Variants in SGCG observed in about 807,000 individuals in gnomAD.
SGCG encodes sarcoglycan gamma.
SGCG carries 26 observed loss-of-function variants against 29.3 expected under a neutral mutation model. The ratio of observed to expected loss-of-function variants is 0.89; its 90% CI spans 0.65 to 1.23. The LOEUF (loss-of-function observed/expected upper bound fraction) is 1.23, where lower values mean the gene tolerates loss of function less well. Among genes scored for constraint, SGCG ranks in the 50% most tolerant of loss-of-function variants. The pLI is 0.00. For missense variants in SGCG, 353 were observed against 356.0 expected (o/e 0.99, Z 0.07); for synonymous variants, 145 against 129.7 (o/e 1.12, Z -0.80).
chr13:23,235,842 G>C (rs566172152), intron 3 of SGCG, among the ~76,000 whole-genome samples: 10 of 152,164 alleles, frequency 6.6e-5, no homozygotes, highest in Non-Finnish European at 1.3e-4. Context: ...AGGAGAATTA[G>C]AAAAGAAACA....
chr13:23,216,541 G>A (rs1878436709), intron 2 of SGCG, among the ~76,000 whole-genome samples: 1 of 152,034 alleles, frequency 6.6e-6, no homozygotes, highest in Non-Finnish European at 1.5e-5. Context: ...CTATTATTTT[G>A]TTAACAGAAT....
chr13:23,235,987 C>G (rs1225751278), intron 3 of SGCG, among the ~76,000 whole-genome samples: 1 of 152,144 alleles, frequency 6.6e-6, no homozygotes, highest in African/African-American at 2.4e-5. Flanking sequence ...AAAGAGAGAT[C>G]CCAGTAAGTG....
chr13:23,236,271 T>C (rs1255367298), intron 3 of SGCG, among the ~76,000 whole-genome samples: 1 of 152,042 alleles, frequency 6.6e-6, no homozygotes, highest in African/African-American at 2.4e-5. Flanking sequence ...TTCCCCAGAG[T>C]TGTGTTGGCT....
chr13:23,222,804 G>C (rs190560007), intron 2 of SGCG, among the ~76,000 whole-genome samples: 1 of 152,206 alleles, frequency 6.6e-6, no homozygotes, highest in African/African-American at 2.4e-5. Context: ...CTCCAGCCTG[G>C]GTGACAGAGC....
intron 3 of SGCG, among the ~76,000 whole-genome samples, chr13:23,236,794 T>C (rs759638780): frequency 6.6e-6 from 1 of 152,206 alleles, no homozygotes; most frequent in Non-Finnish European, 1.5e-5. Flanking sequence ...GATAATCACA[T>C]ATTAAAGTCT....
chr13:23,195,656 A>G (rs1010432743), intron 1 of SGCG, among the ~76,000 whole-genome samples: 1 of 151,458 alleles, frequency 6.6e-6, no homozygotes, highest in African/African-American at 2.4e-5. Flanking sequence ...AGAGAGAATG[A>G]TTTGATGATC....
intron 1 of SGCG, among the ~76,000 whole-genome samples, chr13:23,189,467 C>T (rs548134353): frequency 5.9e-5 from 9 of 152,262 alleles, no homozygotes; most frequent in East Asian, 1.9e-4. Flanking sequence ...TGAGCCACTG[C>T]GCCTGGCCTT....
At chr13:23,207,464 G>A (rs1878025463) in intron 2 of SGCG, among the ~76,000 whole-genome samples, 1 of 152,120 alleles carries the variant, frequency 6.6e-6, no homozygotes, top group South Asian at 2.1e-4. Flanking sequence ...ATAGACAAAT[G>A]GGACTACATT....
intron 3 of SGCG, among the ~76,000 whole-genome samples, chr13:23,241,163 AG>A (rs67045747): frequency 0.083 from 12,025 of 144,338 alleles, 847 homozygotes; most frequent in South Asian, 0.18. Flanking sequence ...AAAAAAAAAA[AG>A]AAGAAGAAGA....
intron 5 of SGCG, among the ~76,000 whole-genome samples, chr13:23,287,321 G>C (rs1181062076): frequency 1.3e-5 from 2 of 152,216 alleles, no homozygotes; most frequent in East Asian, 3.9e-4. Context: ...GTGACAAGAA[G>C]TGGTGGCCTC....
upstream of SGCG, among the ~76,000 whole-genome samples, chr13:23,177,440 A>T (rs1314055849): frequency 6.6e-6 from 1 of 152,128 alleles, no homozygotes; most frequent in Non-Finnish European, 1.5e-5. Context: ...ATAAAAAATT[A>T]TCCTGATTTG....
At chr13:23,322,693 G>A (rs539777563) in intron 7 of SGCG, among the ~76,000 whole-genome samples, 4 of 151,146 alleles carry the variant, frequency 2.6e-5, no homozygotes, top group African/African-American at 9.7e-5. Context: ...AAGGCACATG[G>A]GTTTCCAAGC....
intron 3 of SGCG, among the ~76,000 whole-genome samples, chr13:23,239,608 CT>C (rs1389329003): frequency 2.0e-5 from 3 of 152,146 alleles, no homozygotes; most frequent in Non-Finnish European, 2.9e-5. Flanking sequence ...TTAGAAGACA[CT>C]TTGCTCAAAG....
At chr13:23,310,539 GTT>G (rs1471971078) in intron 6 of SGCG, among the ~76,000 whole-genome samples, 1 of 151,954 alleles carries the variant, frequency 6.6e-6, no homozygotes, top group Non-Finnish European at 1.5e-5. Flanking sequence ...TGTTTCAGTT[GTT>G]TCTCTATGTT....
intron 4 of SGCG, among the ~76,000 whole-genome samples, chr13:23,262,226 T>C (rs1168208943): frequency 2.0e-5 from 3 of 151,946 alleles, no homozygotes; most frequent in Non-Finnish European, 4.4e-5. Context: ...CAAAATGGAT[T>C]AAAAAATCAC....
At chr13:23,236,911 T>C (rs143904508) in intron 3 of SGCG, among the ~76,000 whole-genome samples, 1 of 152,252 alleles carries the variant, frequency 6.6e-6, no homozygotes, top group Non-Finnish European at 1.5e-5. Flanking sequence ...ACTAACATGG[T>C]TTCCAATAAG....
chr13:23,319,817 T>G (rs1414876974), intron 6 of SGCG, among the ~76,000 whole-genome samples: 1 of 152,206 alleles, frequency 6.6e-6, no homozygotes, highest in African/African-American at 2.4e-5. Flanking sequence ...AATGATCACA[T>G]TGTGCCATCT....
At chr13:23,212,361 G>A (rs563047063) in intron 2 of SGCG, among the ~76,000 whole-genome samples, 4 of 151,838 alleles carry the variant, frequency 2.6e-5, no homozygotes, top group Non-Finnish European at 4.4e-5. Context: ...TGTAAGACTC[G>A]GACTTATTTT....
At chr13:23,201,555 G>A (rs894430684) in intron 1 of SGCG, among the ~76,000 whole-genome samples, 4 of 152,118 alleles carry the variant, frequency 2.6e-5, no homozygotes, top group African/African-American at 9.7e-5. Flanking sequence ...GCAGCTTCTA[G>A]AAGCTGGAAA....
Sources: gnomAD v4.1 joint callset for allele counts (sites outside exome capture counted in the v4.1 genomes callset) on GRCh38, gnomAD v4.1.1 for gene constraint, MANE v1.5 for transcripts, NCBI Gene and HGNC (gene_info 2026-07-23, HGNC 2026-07-21) for gene names.